Variants in AGO4 observed in about 807,000 individuals in gnomAD.
AGO4 encodes argonaute RISC component 4, also known as protein argonaute-4.
In AGO4, 33 loss-of-function variants were observed where a neutral mutation model predicts 104.7. That is an observed-to-expected ratio of 0.32 (90% CI 0.24 to 0.42). The LOEUF is 0.42. Among genes scored for constraint, AGO4 ranks in the 10% least tolerant of loss-of-function variants. The probability of loss-of-function intolerance (pLI) is 1.00; values close to 1 mark genes in which losing one functional copy is unlikely to be tolerated. For missense variants in AGO4, 711 were observed against 1,083.4 expected, an observed-to-expected ratio of 0.66 and a Z score of 4.83; for synonymous variants, 331 against 364.7, an observed-to-expected ratio of 0.91 and a Z score of 1.05.
intron 15 of AGO4, among the ~76,000 whole-genome samples, chr1:35,843,444 A>G (rs1644496769): frequency 6.6e-6 from 1 of 152,140 alleles, no homozygotes; most frequent in Non-Finnish European, 1.5e-5. Flanking sequence ...GATTAAAAGG[A>G]CTGTCTTAAA....
chr1:35,841,829 TA>T lies in AGO4; in HGVS notation c.2175+80del. 1 of 846,176 alleles carries T rather than the reference TA, an allele frequency of 1.2e-6. No individual in the cohort carries two copies. Among genetic ancestry groups the T allele is most frequent in the Non-Finnish European group, 1.6e-6 (1 of 639,226 alleles). 52.4% of individuals were successfully genotyped at this position (846,176 alleles called of 1,614,324 possible). A position where few individuals can be genotyped will look rare whatever the true frequency, so the allele number is the denominator to read the frequency against. On this transcript the variant is annotated intron_variant, in intron 15 of 17. Transcript: ENST00000373210. The surrounding 1 kb of genome is among the most constrained non-coding windows in gnomAD (Gnocchi z 4.7). ...ATATGCACATATATATATATATATATATATATATACACCATTTTTATACAAT... is the reference window on the plus strand; with the variant it reads ...ATATGCACATATATATATATATATATTATATATACACCATTTTTATACAAT...
intron 2 of AGO4, among the ~76,000 whole-genome samples, chr1:35,820,114 T>C (rs1643860858): frequency 6.6e-6 from 1 of 152,104 alleles, no homozygotes; most frequent in South Asian, 2.1e-4. Flanking sequence ...AGGAAGAAGA[T>C]GTTTTAAGTT....
intron 3 of AGO4, 43 bp downstream of exon 3, chr1:35,823,025 A>G (rs776639942): frequency 1.3e-5 from 21 of 1,589,452 alleles, no homozygotes; most frequent in Non-Finnish European, 1.7e-5. Flanking sequence ...TTTAGTAGTA[A>G]TTATACATGA....
At chr1:35,848,196 T>C (rs1269270972) in intron 15 of AGO4, among the ~76,000 whole-genome samples, 1 of 152,248 alleles carries the variant, frequency 6.6e-6, no homozygotes, top group Non-Finnish European at 1.5e-5. Flanking sequence ...GTCTGGCATT[T>C]GAGATTCATC....
Position 35,835,936 on chromosome 1 carries a change from G to C in AGO4, c.1667G>C (p.Cys556Ser), listed in dbSNP as rs1174205477. The C allele has an allele frequency of 6.2e-7, 1 of 1,613,852 alleles. No individual in the cohort carries two copies. Among genetic ancestry groups the C allele is most frequent in the African/African-American group, 1.3e-5 (1 of 74,896 alleles). ...TCACCTCAAACCCTTTCCAATCTTT[G>C]CCTGAAGATAAATGCAAAACTTGGA... The part of the protein sequence containing the change: ...KTSPQTLSNL[C>S]LKINAKLGGI... Residue 556 changes from cysteine (C) to serine (S), a missense_variant, in exon 13 of 18, where the codon TGC becomes TCC. Transcript: ENST00000373210.
At chr1:35,840,182 C>T (rs1008528490) in intron 13 of AGO4, among the ~76,000 whole-genome samples, 16 of 144,270 alleles carry the variant, frequency 1.1e-4, no homozygotes, top group African/African-American at 3.6e-4. Context: ...TTGTTTGAGA[C>T]GGTCTTGCTC....
At chr1:35,818,666 A>AAAGGAAGAAAGGAAGGAAGGAAGGAAGG (rs1643803830) in intron 2 of AGO4, among the ~76,000 whole-genome samples, 1 of 79,784 alleles carries the variant, frequency 1.3e-5, no homozygotes, top group African/African-American at 5.1e-5. Context: ...AGAAAGGAAG[A>AAAGGAAGAAAGGAAGGAAGGAAGGAAGG]AAGGAAGGAA....
rs763067046 is a variant in AGO4, at chr1:35,841,798, A to G, written c.2175+48A>G. 6.2e-6 allele frequency: 9 copies of G among 1,452,636 alleles called. No individual in the cohort carries two copies. The East Asian group carries it at 1.9e-4, about 30-fold the overall frequency. The allele number at this position is 1,452,636 out of a possible 1,614,324, so 90.0% of individuals were successfully genotyped here. A position where few individuals can be genotyped will look rare whatever the true frequency, so the allele number is the denominator to read the frequency against. On this transcript the variant is annotated intron_variant, in intron 15 of 17. Transcript: ENST00000373210. The surrounding 1 kb of genome is among the most constrained non-coding windows in gnomAD (Gnocchi z 4.7). ...TTGTTATCTGAGGCTCTGGCAAGAG[A>G]TGTATATATGCACATATATATATAT...
chr1:35,846,642 G>T (rs895500720), intron 15 of AGO4, among the ~76,000 whole-genome samples: 8 of 150,388 alleles, frequency 5.3e-5, no homozygotes, highest in Non-Finnish European at 8.9e-5. Flanking sequence ...TAGGGACAGG[G>T]TCTAAGTTTG....
At chr1:35,821,412 A>G (rs575189388) in intron 2 of AGO4, among the ~76,000 whole-genome samples, 9 of 152,358 alleles carry the variant, frequency 5.9e-5, no homozygotes, top group Non-Finnish European at 1.0e-4. Flanking sequence ...GTTCCCACAC[A>G]TGAAACTCAC....
rs915909215 is a variant in AGO4 at position 35,856,198 on chromosome 1, T to A, written c.*2593T>A. The A allele has an allele frequency of 2.0e-5, 3 of 152,122 alleles. No homozygotes were observed. Among genetic ancestry groups the A allele is most frequent in the Non-Finnish European group, 2.9e-5 (2 of 68,016 alleles). The allele number at this position is 152,122 out of a possible 1,614,324, so 9.4% of individuals were successfully genotyped here. ...GTCATTTTGGACAAAAGGAAAGAAA[T>A]TTGGAAGAGCTGGGATTATTGGCAA... is the stretch of plus-strand genomic sequence containing the variant. On this transcript the variant is annotated 3_prime_UTR_variant, in exon 18 of 18. Coordinates refer to ENST00000373210, the MANE Select transcript of AGO4 (RefSeq NM_017629.4).
At chr1:35,807,756 C>G (rs1337251558), upstream of AGO4, among the ~76,000 whole-genome samples, 1 of 152,130 alleles carries the variant, frequency 6.6e-6, no homozygotes, top group Non-Finnish European at 1.5e-5. Context: ...CAGAAGCGAT[C>G]TGGGGTGGGA....
chr1:35,819,104 G>C (rs1390366351), intron 2 of AGO4, among the ~76,000 whole-genome samples: 1 of 152,142 alleles, frequency 6.6e-6, no homozygotes, highest in African/African-American at 2.4e-5. Flanking sequence ...CTGTCAATAA[G>C]ATTTACTGAT....
rs5773512 is a variant in AGO4 at position 35,841,811 on chromosome 1, C to CATATATATATATATATAT, written c.2175+71_2175+88dup. On this transcript the variant is annotated intron_variant, in intron 15 of 17. Coordinates refer to ENST00000373210, the MANE Select transcript of AGO4 (RefSeq NM_017629.4). This position sits in a 1 kb window ranked among gnomAD's most constrained non-coding sequence, Gnocchi z 4.7. ...CTCTGGCAAGAGATGTATATATGCA[C>CATATATATATATATATAT]ATATATATATATATATATATATATA... 1.3e-3 allele frequency: 780 copies of CATATATATATATATATAT among 606,272 alleles called. 3 individuals carry two copies. The highest frequency in any genetic ancestry group is 4.6e-3 in the African/African-American group (229 of 49,632). The allele number at this position is 606,272 out of a possible 1,614,324, so 37.6% of individuals were successfully genotyped here.
intron 1 of AGO4, among the ~76,000 whole-genome samples, chr1:35,813,653 G>C (rs553051237): frequency 4.6e-5 from 7 of 151,780 alleles, no homozygotes; most frequent in African/African-American, 1.7e-4. Context: ...GGAGGCTGAG[G>C]TGGGAGGATC....
At chr1:35,838,710 C>T (rs978464973) in intron 13 of AGO4, among the ~76,000 whole-genome samples, 9 of 152,070 alleles carry the variant, frequency 5.9e-5, no homozygotes, top group Non-Finnish European at 1.2e-4. Context: ...AGTATTGTTA[C>T]GCATGTGAAT....
rs1265364388 is a variant in AGO4 at position 35,841,825 on chromosome 1, TATATATATATATAC to T, written c.2175+77_2175+90del. On this transcript the variant is annotated intron_variant, in intron 15 of 17. Coordinates refer to ENST00000373210, the MANE Select transcript of AGO4 (RefSeq NM_017629.4). The surrounding 1 kb of genome is among the most constrained non-coding windows in gnomAD (Gnocchi z 4.7). ...GTATATATGCACATATATATATATA[TATATATATATATAC>T]ACCATTTTTATACAATTTTTTTCTT... The T allele has an allele frequency of 3.7e-5, 31 of 841,182 alleles. 1 individual carries two copies. The highest frequency in any genetic ancestry group is 4.7e-5 in the Non-Finnish European group (30 of 633,378). The allele number at this position is 841,182 out of a possible 1,614,324, so 52.1% of individuals were successfully genotyped here. A position where few individuals can be genotyped will look rare whatever the true frequency, so the allele number is the denominator to read the frequency against.
At chr1:35,833,930 T>A (rs1033402254) in intron 11 of AGO4, 60 bp from the exon 12 acceptor site, 4 of 1,284,770 alleles carry the variant, frequency 3.1e-6, no homozygotes, top group Non-Finnish European at 4.0e-6. Flanking sequence ...CAGAGGAAAA[T>A]GAATGCTAGA....
intron 11 of AGO4, among the ~76,000 whole-genome samples, chr1:35,833,060 C>T (rs2148669269): frequency 6.6e-6 from 1 of 152,204 alleles, no homozygotes; most frequent in African/African-American, 2.4e-5. Context: ...GTGGGTGGAT[C>T]ATGGGGTCAG....
Sources: allele counts gnomAD v4.1 joint callset (sites outside exome capture counted in the v4.1 genomes callset), GRCh38; gene constraint gnomAD v4.1.1; non-coding constraint Gnocchi (gnomAD v3.1); transcripts MANE v1.5; gene names NCBI Gene and HGNC (gene_info 2026-07-23, HGNC 2026-07-21).